The following APBB2 variants were observed in gnomAD, a reference collection of about 807,000 sequenced individuals.
The protein encoded by APBB2 is Fe65-like 1.
In APBB2, 38 loss-of-function variants were observed where a neutral mutation model predicts 82.5. The observed-to-expected ratio is 0.46, with a 90% confidence interval of 0.36 to 0.60. The LOEUF is 0.60. APBB2 is among the 20% of genes least tolerant of loss of function. The pLI is 0.00. For missense variants in APBB2, 772 were observed against 972.3 expected (o/e 0.79, Z 2.74); for synonymous variants, 341 against 368.2 (o/e 0.93, Z 0.85).
At position 40,940,628 on chromosome 4, in the gene APBB2, C is replaced by T. The variant is rs189824494; in HGVS notation, c.1044+4237G>A. 3.9e-5 allele frequency among the ~76,000 whole-genome samples: 6 copies of T among 152,310 alleles called. No homozygotes were observed. In the East Asian group the frequency reaches 1.2e-3, roughly 29 times the overall value. ...TGGGCACCCTCCTGGGGGGGTTAGG[C>T]TCTCATGACGCCCGTGAGGCTGTGA... On this transcript the variant is annotated intron_variant, in intron 7 of 17. Coordinates refer to ENST00000508593, the MANE Select transcript of APBB2 (RefSeq NM_004307.2).
chr4:41,001,008 A>T (rs892773368), intron 6 of APBB2, among the ~76,000 whole-genome samples: 1 of 152,148 alleles, frequency 6.6e-6, no homozygotes, highest in East Asian at 1.9e-4. Flanking sequence ...AGAGCAAGGG[A>T]TGAATGGAAA....
chr4:40,945,168 G>T, intron 6 of APBB2, 95 bp from the exon 7 acceptor site: 1 of 847,688 alleles, frequency 1.2e-6, no homozygotes, highest in Non-Finnish European at 1.9e-6. Flanking sequence ...AGGCAGACGT[G>T]TCCATAGTCC....
chr4:40,935,172 C>G (rs1443044856), intron 7 of APBB2, 33 bp from the exon 8 acceptor site: 2 of 1,329,258 alleles, frequency 1.5e-6, no homozygotes, highest in African/African-American at 3.1e-5. Context: ...AGGAAAAAAG[C>G]ACATTGATTT....
At chr4:41,160,263 G>T (rs1378413782) in intron 1 of APBB2, among the ~76,000 whole-genome samples, 1 of 152,132 alleles carries the variant, frequency 6.6e-6, no homozygotes, top group South Asian at 2.1e-4. Flanking sequence ...AGGAAATGAC[G>T]GAAGCCCATA....
chr4:41,104,436 C>T (rs34930361), intron 2 of APBB2, among the ~76,000 whole-genome samples: 9,174 of 152,220 alleles, frequency 0.06, 329 homozygotes, highest in Middle Eastern at 0.13. Context: ...CTCACCCATG[C>T]TTGGCTAGGA....
intron 1 of APBB2, among the ~76,000 whole-genome samples, chr4:41,210,380 T>C (rs1032385854): frequency 6.6e-6 from 1 of 152,090 alleles, no homozygotes; most frequent in Non-Finnish European, 1.5e-5. Context: ...ACACAGTGAA[T>C]TGAAGTAAGG....
intron 1 of APBB2, among the ~76,000 whole-genome samples, chr4:41,149,267 CATT>C (rs1245156675): frequency 6.6e-6 from 1 of 151,770 alleles, no homozygotes; most frequent in Non-Finnish European, 1.5e-5. Flanking sequence ...TTCCTGTAGT[CATT>C]ATTTTAAAGA....
intron 2 of APBB2, among the ~76,000 whole-genome samples, chr4:41,117,559 G>C (rs1751454031): frequency 6.6e-6 from 1 of 152,090 alleles, no homozygotes; most frequent in Admixed American, 6.6e-5. Context: ...CCAAAGTGCT[G>C]GGATTACAGG....
intron 6 of APBB2, among the ~76,000 whole-genome samples, chr4:40,995,198 A>G (rs947313479): frequency 2.0e-5 from 3 of 152,164 alleles, no homozygotes; most frequent in Non-Finnish European, 2.9e-5. Context: ...AATTATTTCT[A>G]TTTGGAAAAT....
intron 3 of APBB2, among the ~76,000 whole-genome samples, chr4:41,099,237 GT>G (rs1036983470): frequency 6.6e-6 from 1 of 151,750 alleles, no homozygotes; most frequent in Admixed American, 6.6e-5. Flanking sequence ...TGGTTTTTGT[GT>G]TTTTTTTGGG....
chr4:40,930,527 G>A (rs1338145681), intron 10 of APBB2, among the ~76,000 whole-genome samples: 3 of 150,592 alleles, frequency 2.0e-5, no homozygotes, highest in African/African-American at 7.5e-5. Context: ...TTGCTATTTA[G>A]AGGTTTCACT....
chr4:41,053,801 C>G (rs745995206), intron 4 of APBB2, among the ~76,000 whole-genome samples: 5 of 152,132 alleles, frequency 3.3e-5, no homozygotes, highest in Non-Finnish European at 5.9e-5. Context: ...ATTACATTTC[C>G]AAGTCCACAA....
At chr4:40,981,715 C>T (rs1798518974) in intron 6 of APBB2, among the ~76,000 whole-genome samples, 2 of 152,108 alleles carry the variant, frequency 1.3e-5, no homozygotes, top group South Asian at 4.1e-4. Flanking sequence ...AATTGGAGCC[C>T]CTGTAATTCT....
intron 2 of APBB2, among the ~76,000 whole-genome samples, chr4:41,111,007 G>A (rs1464364959): frequency 6.6e-6 from 1 of 152,170 alleles, no homozygotes; most frequent in Non-Finnish European, 1.5e-5. Flanking sequence ...ATCCCATCTG[G>A]GGGTGATGGG....
At chr4:40,967,495 C>G (rs1454445189) in intron 6 of APBB2, among the ~76,000 whole-genome samples, 1 of 152,134 alleles carries the variant, frequency 6.6e-6, no homozygotes, top group African/African-American at 2.4e-5. Context: ...GGCACCGATG[C>G]GTTTACTGGT....
At chr4:41,168,804 T>C (rs911030089) in intron 1 of APBB2, among the ~76,000 whole-genome samples, 5 of 152,056 alleles carry the variant, frequency 3.3e-5, no homozygotes, top group Admixed American at 3.3e-4. Flanking sequence ...TGATTTACAA[T>C]AGAAAGTTTT....
intron 1 of APBB2, chr4:41,193,974 T>C: frequency 1.3e-5 from 2 of 152,166 alleles, no homozygotes; most frequent in Admixed American, 6.5e-5. Context: ...TTTTAGATTA[T>C]TTGTATATTT....
At chr4:41,099,589 T>C (rs1332903258) in intron 3 of APBB2, among the ~76,000 whole-genome samples, 4 of 152,186 alleles carry the variant, frequency 2.6e-5, no homozygotes, top group Admixed American at 2.6e-4. Flanking sequence ...AAACCCAATT[T>C]AATAATAATT....
rs566261600 is a variant in APBB2, at chr4:40,930,420, AGTGTGT to A, written c.1254+4030_1254+4035del. ...AGAAAAAGACTTTGCTCTTTGGGGA[AGTGTGT>A]GTGTGTGTGTGTGTGTGTGTGTGCG... On this transcript the variant is annotated intron_variant, in intron 10 of 17. Coordinates refer to ENST00000508593, the MANE Select transcript of APBB2 (RefSeq NM_004307.2). 8.3e-3 allele frequency among the ~76,000 whole-genome samples: 1,212 copies of A among 145,858 alleles called. 14 individuals are homozygous for A. The highest frequency in any genetic ancestry group is 0.021 in the African/African-American group (817 of 39,304).
Sources: allele counts gnomAD v4.1 joint callset (sites outside exome capture counted in the v4.1 genomes callset), GRCh38; gene constraint gnomAD v4.1.1; transcripts MANE v1.5; gene names NCBI Gene and HGNC (gene_info 2026-07-23, HGNC 2026-07-21).